Variants in TUSC3 observed in about 807,000 individuals in gnomAD.
The protein encoded by TUSC3 is dolichyl-diphosphooligosaccharide--protein glycosyltransferase subunit TUSC3.
In TUSC3, 45 loss-of-function variants were observed where a neutral mutation model predicts 44.8. The ratio of observed to expected loss-of-function variants is 1.00; its 90% confidence interval spans 0.79 to 1.29. The LOEUF (loss-of-function observed/expected upper bound fraction) is 1.29. Ranked by LOEUF, TUSC3 falls within the 50% of genes most tolerant of loss-of-function variation. The pLI, the probability that TUSC3 is intolerant of heterozygous loss-of-function variation, is 0.00. For missense variants in TUSC3, 519 were observed against 437.9 expected (o/e 1.19, Z -1.65); for synonymous variants, 212 against 152.9 (o/e 1.39, Z -2.85).
chr8:15,446,989 C>G (rs1385028709), intron 1 of TUSC3, among the ~76,000 whole-genome samples: 1 of 151,282 alleles, frequency 6.6e-6, no homozygotes, highest in East Asian at 2.0e-4. Context: ...AATGGAAAAG[C>G]TTTTGAAGAA....
chr8:15,673,690 T>C lies in TUSC3; in HGVS notation c.709-57T>C, dbSNP rs966736563. 3 of 1,317,214 alleles carry C rather than the reference T, an allele frequency of 2.3e-6. No homozygotes were observed. In the African/African-American group the frequency reaches 4.3e-5, roughly 19 times the overall value. The allele number at this position is 1,317,214 out of a possible 1,614,324, so 81.6% of individuals were successfully genotyped here. A position where few individuals can be genotyped will look rare whatever the true frequency, so the allele number is the denominator to read the frequency against. On this transcript the variant is annotated intron_variant, in intron 5 of 10. Transcript: ENST00000503731. ...CATGATGACCATTGTCTTTTAGAAA[T>C]GCATTATTCTGGTATTCTCTGGTTT...
chr8:15,799,287 C>G, the TUSC3 span, among the ~76,000 whole-genome samples: 1 of 152,170 alleles, frequency 6.6e-6, no homozygotes, highest in Non-Finnish European at 1.5e-5. Flanking sequence ...TAACAATTAT[C>G]CTAGTTCTGC....
intron 1 of TUSC3, among the ~76,000 whole-genome samples, chr8:15,588,120 G>T (rs1303513130): frequency 6.6e-6 from 1 of 152,046 alleles, no homozygotes; most frequent in Admixed American, 6.6e-5. Flanking sequence ...TCTGTTTTTA[G>T]TTTTTTGAGG....
rs561968892 is a variant in TUSC3, at chr8:15,448,379, A to G, written n.91+31074A>G. Among the ~76,000 whole-genome samples the G allele has an allele frequency of 1.8e-4, 28 of 152,110 alleles. No individual in the cohort carries two copies. The East Asian group carries it at 4.8e-3, about 26-fold the overall frequency. On this transcript the variant is annotated intron_variant and non_coding_transcript_variant, in intron 1 of 5. Coordinates refer to the TUSC3 transcript ENST00000503191. Reference sequence around the variant, plus strand: ...GGCAATCCACCCGCCTTGGCCTCCCAAAGTGCTGGGATTACAGACATGTGC... The same window carrying G: ...GGCAATCCACCCGCCTTGGCCTCCCGAAGTGCTGGGATTACAGACATGTGC...
chr8:15,573,711 A>T (rs919033461), intron 1 of TUSC3, among the ~76,000 whole-genome samples: 1 of 152,020 alleles, frequency 6.6e-6, no homozygotes, highest in African/African-American at 2.4e-5. Flanking sequence ...CAGCTTTATT[A>T]TTCTGGTGAG....
chr8:15,523,627 A>G (rs1236989027), intron 2 of TUSC3, among the ~76,000 whole-genome samples: 2 of 140,544 alleles, frequency 1.4e-5, no homozygotes, highest in Admixed American at 7.2e-5. Flanking sequence ...TGGCTTAAAA[A>G]TCCTTTAAAA....
chr8:15,848,619 T>C, the TUSC3 span, among the ~76,000 whole-genome samples: 1 of 152,170 alleles, frequency 6.6e-6, no homozygotes, highest in African/African-American at 2.4e-5. Flanking sequence ...CTTGGCTCTG[T>C]GTGGGTGATC....
At chr8:15,659,288 A>G (rs1459566490) in intron 3 of TUSC3, among the ~76,000 whole-genome samples, 1 of 152,126 alleles carries the variant, frequency 6.6e-6, no homozygotes, top group Non-Finnish European at 1.5e-5. Flanking sequence ...TGAATGATGT[A>G]TGTTAAATGT....
At chr8:15,507,438 T>C (rs1403804464) in intron 2 of TUSC3, among the ~76,000 whole-genome samples, 1 of 152,192 alleles carries the variant, frequency 6.6e-6, no homozygotes, top group African/African-American at 2.4e-5. Flanking sequence ...GAATATTTGC[T>C]AAAAGGCAGA....
chr8:15,524,909 T>G (rs1218023583), intron 2 of TUSC3, among the ~76,000 whole-genome samples: 5 of 152,164 alleles, frequency 3.3e-5, no homozygotes, highest in African/African-American at 1.2e-4. Context: ...AGTGAAATGG[T>G]AAAAGACTAA....
At chr8:15,423,969 G>GTTTTTGTTT (rs1563247134) in intron 1 of TUSC3, among the ~76,000 whole-genome samples, 4 of 70,392 alleles carry the variant, frequency 5.7e-5, no homozygotes, top group East Asian at 5.5e-4. Context: ...GTTTTGCTTT[G>GTTTTTGTTT]TTTTTTTTTT....
intron 1 of TUSC3, among the ~76,000 whole-genome samples, chr8:15,588,303 A>C (rs1803679781): frequency 6.6e-6 from 1 of 152,004 alleles, no homozygotes; most frequent in South Asian, 2.1e-4. Context: ...CTTTTCCCTG[A>C]TGATCAGTGA....
intron 1 of TUSC3, among the ~76,000 whole-genome samples, chr8:15,587,663 C>T (rs751186300): frequency 4.6e-5 from 7 of 152,022 alleles, no homozygotes; most frequent in South Asian, 2.1e-4. Context: ...AACACTAGAA[C>T]TTATTCCTCC....
At chr8:15,518,432 C>A (rs890397717) in intron 2 of TUSC3, among the ~76,000 whole-genome samples, 1 of 151,982 alleles carries the variant, frequency 6.6e-6, no homozygotes, top group Non-Finnish European at 1.5e-5. Context: ...GTTATCAAGG[C>A]CTTCTCAAAT....
the TUSC3 span, among the ~76,000 whole-genome samples, chr8:15,787,835 A>G: frequency 6.6e-6 from 1 of 152,230 alleles, no homozygotes; most frequent in Non-Finnish European, 1.5e-5. Flanking sequence ...TCTTCAAAGA[A>G]TTAACATGTG....
the TUSC3 span, among the ~76,000 whole-genome samples, chr8:15,793,767 C>T: frequency 2.0e-5 from 3 of 152,190 alleles, no homozygotes; most frequent in Non-Finnish European, 2.9e-5. Flanking sequence ...CAACACCTGG[C>T]ACATATAGGA....
intron 1 of TUSC3, among the ~76,000 whole-genome samples, chr8:15,594,409 T>G (rs143412381): frequency 6.6e-6 from 1 of 152,182 alleles, no homozygotes; most frequent in South Asian, 2.1e-4. Flanking sequence ...TCATGGAATG[T>G]ATTTTCCTGC....
intron 1 of TUSC3, among the ~76,000 whole-genome samples, chr8:15,568,403 C>A (rs1802752192): frequency 6.6e-6 from 1 of 152,056 alleles, no homozygotes; most frequent in Admixed American, 6.6e-5. Flanking sequence ...CAGTTAAGTT[C>A]TCATATCTGG....
chr8:15,471,999 A>C (rs1800500310), intron 1 of TUSC3, among the ~76,000 whole-genome samples: 1 of 151,842 alleles, frequency 6.6e-6, no homozygotes, highest in Admixed American at 6.6e-5. Flanking sequence ...TGCACAAGAA[A>C]AAAAATGATT....
Sources: allele counts gnomAD v4.1 joint callset (sites outside exome capture counted in the v4.1 genomes callset), GRCh38; gene constraint gnomAD v4.1.1; transcripts MANE v1.5; gene names NCBI Gene and HGNC (gene_info 2026-07-23, HGNC 2026-07-21).